The following AGAP1 variants were observed in gnomAD, a reference collection of about 807,000 sequenced individuals.
AGAP1 encodes arf-GAP with GTPase, ANK repeat and PH domain-containing protein 1.
A neutral mutation model predicts 105.3 loss-of-function variants in AGAP1; 29 were observed. The observed-to-expected ratio is 0.28, with a 90% CI of 0.21 to 0.38. AGAP1 has a LOEUF of 0.38. Ranked by LOEUF, AGAP1 falls within the 10% of genes least tolerant of loss-of-function variation. The pLI is 1.00. For synonymous variants in AGAP1, 509 were observed against 485.9 expected, an observed-to-expected ratio of 1.05 and a Z score of -0.63; for missense variants, 998 against 1,165.1, an observed-to-expected ratio of 0.86 and a Z score of 2.09.
At chr2:236,118,889 A>G (rs1382496526) in intron 16 of AGAP1, among the ~76,000 whole-genome samples, 1 of 151,718 alleles carries the variant, frequency 6.6e-6, no homozygotes, top group African/African-American at 2.4e-5. Context: ...AGTATCTGTC[A>G]CGCTCTTTTT....
At chr2:235,838,820 C>T (rs1464752572) in intron 9 of AGAP1, among the ~76,000 whole-genome samples, 2 of 152,154 alleles carry the variant, frequency 1.3e-5, no homozygotes, top group Non-Finnish European at 1.5e-5. Context: ...AACAGAAAGC[C>T]TCTCTCTCTG....
intron 12 of AGAP1, among the ~76,000 whole-genome samples, chr2:235,950,630 C>G (rs187244337): frequency 4.6e-5 from 7 of 152,296 alleles, no homozygotes; most frequent in Non-Finnish European, 7.4e-5. Flanking sequence ...GAATAGCCAG[C>G]CAGCCAGGAT....
At position 235,777,371 on chromosome 2, in the gene AGAP1, T is replaced by G. The variant is rs560652120; in HGVS notation, c.674-20388T>G. Among the ~76,000 whole-genome samples the G allele has an allele frequency of 1.3e-5, 2 of 152,088 alleles. No individual in the cohort carries two copies. Among genetic ancestry groups the G allele is most frequent in the Non-Finnish European group, 2.9e-5 (2 of 68,000 alleles). ...TCTCAAAAAAAAAGACAAAAGTGAT[T>G]TCCTGAGCTGCTCCGAGCTGGAGAC... On this transcript the variant is annotated intron_variant, in intron 6 of 17. Coordinates refer to ENST00000304032, the MANE Select transcript of AGAP1 (RefSeq NM_001037131.3). The surrounding 1 kb of genome is among the most constrained non-coding windows in gnomAD (Gnocchi z 5.1).
intron 12 of AGAP1, among the ~76,000 whole-genome samples, chr2:235,956,063 A>G (rs1373498698): frequency 6.6e-6 from 1 of 152,212 alleles, no homozygotes; most frequent in African/African-American, 2.4e-5. Context: ...AGTTTTCTGC[A>G]AGACGCATTC....
Position 235,610,311 on chromosome 2 carries a change from T to G in AGAP1, c.164-98868T>G, listed in dbSNP as rs528488624. 6.6e-6 allele frequency among the ~76,000 whole-genome samples: 1 copy of G among 152,294 alleles called. No homozygotes were observed. The highest frequency in any genetic ancestry group is 2.1e-4 in the South Asian group (1 of 4,824). On this transcript the variant is annotated intron_variant, in intron 1 of 17. Coordinates refer to ENST00000304032, the MANE Select transcript of AGAP1 (RefSeq NM_001037131.3). The surrounding 1 kb of genome is among the most constrained non-coding windows in gnomAD (Gnocchi z 4.9). Reference sequence around the variant, plus strand: ...GTCATCTTGGAGTCCACCGTGCACTTGTCCGCTTGGGCTGCCATAACAAAA... The same window carrying G: ...GTCATCTTGGAGTCCACCGTGCACTGGTCCGCTTGGGCTGCCATAACAAAA...
In AGAP1 at chr2:236,038,102, T is replaced by C. The variant is rs962880990; in HGVS notation, c.1800+1387T>C. Among the ~76,000 whole-genome samples, 8 of 152,200 alleles carry C rather than the reference T, an allele frequency of 5.3e-5. No homozygotes were observed. Among genetic ancestry groups the C allele is most frequent in the Non-Finnish European group, 8.8e-5 (6 of 68,028 alleles). ...GCTTCCCTTTTTAAAAGATGTTTTA[T>C]ACTCAAGGTGGGGAGAACCACTGCC... On this transcript the variant is annotated intron_variant, in intron 14 of 17. Transcript: ENST00000304032. The surrounding 1 kb of genome is among the most constrained non-coding windows in gnomAD (Gnocchi z 4.5).
intron 13 of AGAP1, among the ~76,000 whole-genome samples, chr2:235,969,434 T>G (rs747226343): frequency 6.6e-6 from 1 of 152,218 alleles, no homozygotes; most frequent in Non-Finnish European, 1.5e-5. Flanking sequence ...AATTATTACC[T>G]GTGAGACCGA....
intron 13 of AGAP1, among the ~76,000 whole-genome samples, chr2:236,015,460 G>A (rs1372899139): frequency 6.6e-6 from 1 of 152,114 alleles, no homozygotes; most frequent in Non-Finnish European, 1.5e-5. Flanking sequence ...ATTGACTTGC[G>A]TTGCTTTTTT....
chr2:235,925,917 T>G (rs2052425299), intron 11 of AGAP1, among the ~76,000 whole-genome samples: 1 of 152,266 alleles, frequency 6.6e-6, no homozygotes, highest in African/African-American at 2.4e-5. Flanking sequence ...ACCTTCAGCC[T>G]TAATTAATAA....
rs1400758895 is a variant in AGAP1, at chr2:235,872,516, A to G, written c.1051-10829A>G. On this transcript the variant is annotated intron_variant, in intron 9 of 17. Coordinates refer to ENST00000304032, the MANE Select transcript of AGAP1 (RefSeq NM_001037131.3). The surrounding 1 kb of genome is among the most constrained non-coding windows in gnomAD (Gnocchi z 4.5). Reference sequence around the variant, plus strand: ...GGGCCATTGGCACTCACTGACAGGAACTCTCTTCCTGAGCATCTCAGGCAG... The same window carrying G: ...GGGCCATTGGCACTCACTGACAGGAGCTCTCTTCCTGAGCATCTCAGGCAG... Among the ~76,000 whole-genome samples, 1 of 151,946 alleles carries G rather than the reference A, an allele frequency of 6.6e-6. No homozygotes were observed. The highest frequency in any genetic ancestry group is 1.5e-5 in the Non-Finnish European group (1 of 67,986).
At chr2:235,833,689 T>G (rs2106354070) in intron 9 of AGAP1, among the ~76,000 whole-genome samples, 1 of 152,228 alleles carries the variant, frequency 6.6e-6, no homozygotes, top group African/African-American at 2.4e-5. Flanking sequence ...GAACAATAAC[T>G]GGTAAACCTT....
rs1405471715 is a variant in AGAP1 at position 235,728,875 on chromosome 2, G to A, written c.310+11231G>A. On this transcript the variant is annotated intron_variant, in intron 3 of 17. Transcript: ENST00000304032. The surrounding 1 kb of genome is among the most constrained non-coding windows in gnomAD (Gnocchi z 4.3). Reference sequence around the variant, plus strand: ...GAGTAGGTTTAGGTTGGATGAAGAAGGGAGGTTTGGAGCCTGGACGAGAGC... The same window carrying A: ...GAGTAGGTTTAGGTTGGATGAAGAAAGGAGGTTTGGAGCCTGGACGAGAGC... Among the ~76,000 whole-genome samples the A allele has an allele frequency of 6.6e-6, 1 of 152,164 alleles. No individual in the cohort carries two copies. Among genetic ancestry groups the A allele is most frequent in the Non-Finnish European group, 1.5e-5 (1 of 68,034 alleles).
At chr2:235,928,492 T>C (rs776815989) in intron 11 of AGAP1, among the ~76,000 whole-genome samples, 77 of 152,220 alleles carry the variant, frequency 5.1e-4, no homozygotes, top group Non-Finnish European at 9.6e-4. Context: ...CCCTCCTCTC[T>C]CCTTTAGATT....
intron 1 of AGAP1, among the ~76,000 whole-genome samples, chr2:235,520,388 C>G (rs923211910): frequency 9.2e-5 from 14 of 152,156 alleles, no homozygotes; most frequent in African/African-American, 3.1e-4. Context: ...CCGTCTTTCT[C>G]TCCTTCCCGG....
chr2:235,776,006 C>T (rs1432842607), intron 6 of AGAP1, among the ~76,000 whole-genome samples: 2 of 152,144 alleles, frequency 1.3e-5, no homozygotes, highest in Non-Finnish European at 2.9e-5. Flanking sequence ...AGATATTTTC[C>T]TAGTTTAATA....
intron 1 of AGAP1, among the ~76,000 whole-genome samples, chr2:235,703,750 C>T (rs540768469): frequency 6.6e-6 from 1 of 152,296 alleles, no homozygotes; most frequent in South Asian, 2.1e-4. Flanking sequence ...GCACCTGCCA[C>T]CATGCCCGGC....
At chr2:236,010,231 A>G (rs1328988563) in intron 13 of AGAP1, among the ~76,000 whole-genome samples, 3 of 152,226 alleles carry the variant, frequency 2.0e-5, no homozygotes. Context: ...AGCTTCTAAA[A>G]ATAGGGAGAG....
At chr2:235,594,968 G>A (rs954804597) in intron 1 of AGAP1, among the ~76,000 whole-genome samples, 2 of 150,844 alleles carry the variant, frequency 1.3e-5, no homozygotes, top group African/African-American at 4.9e-5. Flanking sequence ...TCTAGAGGAG[G>A]TAGCTGGAAC....
chr2:235,562,384 C>T (rs1220916481), intron 1 of AGAP1, among the ~76,000 whole-genome samples: 1 of 151,964 alleles, frequency 6.6e-6, no homozygotes, highest in South Asian at 2.1e-4. Flanking sequence ...GAGATGGTTC[C>T]CCGAAGCCCC....
Sources: gnomAD v4.1 joint callset for allele counts (sites outside exome capture counted in the v4.1 genomes callset) on GRCh38, gnomAD v4.1.1 for gene constraint, Gnocchi (gnomAD v3.1) non-coding constraint, MANE v1.5 for transcripts, NCBI Gene and HGNC (gene_info 2026-07-23, HGNC 2026-07-21) for gene names.